Variants in PDE7B observed in about 807,000 individuals in gnomAD.
The protein encoded by PDE7B is 3',5'-cyclic-AMP phosphodiesterase 7B.
In PDE7B, 29 loss-of-function variants were observed where a neutral mutation model predicts 56.2. That is an observed-to-expected ratio of 0.52 (90% CI 0.38 to 0.70). The LOEUF (loss-of-function observed/expected upper bound fraction) is 0.70. Ranked by LOEUF, PDE7B falls within the 30% of genes least tolerant of loss-of-function variation. PDE7B has a pLI of 0.00. For synonymous variants in PDE7B, 197 were observed against 196.9 expected, an observed-to-expected ratio of 1.00 and a Z score of 0.00; for missense variants, 490 against 565.0, an observed-to-expected ratio of 0.87 and a Z score of 1.35.
chr6:136,111,057 C>T (rs561324922), intron 3 of PDE7B: 2 of 152,274 alleles, frequency 1.3e-5, no homozygotes, highest in Non-Finnish European at 2.9e-5. Context: ...TTAGGGTCTC[C>T]TCAGCATTCC....
At chr6:136,074,918 ATTTCT>A (rs1777106988) in intron 2 of PDE7B, among the ~76,000 whole-genome samples, 1 of 152,060 alleles carries the variant, frequency 6.6e-6, no homozygotes, top group African/African-American at 2.4e-5. Flanking sequence ...CAATATACTG[ATTTCT>A]TTTCTTCTGA....
At chr6:135,904,015 A>G (rs1329176751) in intron 1 of PDE7B, among the ~76,000 whole-genome samples, 2 of 152,194 alleles carry the variant, frequency 1.3e-5, no homozygotes, top group Non-Finnish European at 2.9e-5. Flanking sequence ...TTCCTAAAAA[A>G]TATTACCAAC....
At chr6:136,022,643 G>T (rs1054974024) in intron 2 of PDE7B, among the ~76,000 whole-genome samples, 2 of 152,194 alleles carry the variant, frequency 1.3e-5, no homozygotes, top group Non-Finnish European at 2.9e-5. Context: ...GAGCCAGATT[G>T]ATTCCTTTTT....
intron 1 of PDE7B, among the ~76,000 whole-genome samples, chr6:135,858,677 G>C (rs1387966077): frequency 1.3e-5 from 2 of 152,164 alleles, no homozygotes; most frequent in Non-Finnish European, 2.9e-5. Context: ...GCTTGGTCAA[G>C]CTCAAAGTTC....
intron 3 of PDE7B, among the ~76,000 whole-genome samples, chr6:136,126,387 A>T (rs1236957356): frequency 6.6e-6 from 1 of 152,256 alleles, no homozygotes; most frequent in Non-Finnish European, 1.5e-5. Flanking sequence ...TATGGAAAAC[A>T]GTGTGGAGAT....
intron 3 of PDE7B, among the ~76,000 whole-genome samples, chr6:136,116,161 T>C (rs1035003799): frequency 3.3e-5 from 5 of 152,244 alleles, no homozygotes; most frequent in Non-Finnish European, 7.3e-5. Context: ...GAAGGCTTTA[T>C]GGTCTTGTGC....
intron 5 of PDE7B, among the ~76,000 whole-genome samples, chr6:136,150,855 A>ATGTGTGTGTGTGTG (rs60877369): frequency 0.37 from 55,823 of 150,464 alleles, 10,602 homozygotes; most frequent in East Asian, 0.52. Flanking sequence ...ACATATACAC[A>ATGTGTGTGTGTGTG]TGTGTGTGTG....
chr6:135,866,332 A>G (rs754098964), intron 1 of PDE7B, among the ~76,000 whole-genome samples: 4 of 152,202 alleles, frequency 2.6e-5, no homozygotes, highest in Non-Finnish European at 4.4e-5. Flanking sequence ...ATTTATCAAA[A>G]TCATAAACTA....
chr6:136,114,117 T>A (rs535560620), intron 3 of PDE7B, among the ~76,000 whole-genome samples: 1 of 152,330 alleles, frequency 6.6e-6, no homozygotes, highest in African/African-American at 2.4e-5. Flanking sequence ...ATTGGCTATT[T>A]GGCTTTTCCT....
At chr6:136,134,575 G>A (rs890730971) in intron 3 of PDE7B, among the ~76,000 whole-genome samples, 1 of 151,508 alleles carries the variant, frequency 6.6e-6, no homozygotes, top group African/African-American at 2.4e-5. Context: ...TTCAAACTGG[G>A]ATTTTGAAAA....
intron 2 of PDE7B, among the ~76,000 whole-genome samples, chr6:135,967,077 C>T (rs977291944): frequency 1.3e-5 from 2 of 152,134 alleles, no homozygotes; most frequent in Non-Finnish European, 2.9e-5. Context: ...CACACATCAG[C>T]CTGGAACCTG....
At chr6:136,107,894 C>T (rs766132282) in intron 2 of PDE7B, among the ~76,000 whole-genome samples, 53 of 151,958 alleles carry the variant, frequency 3.5e-4, no homozygotes, top group Non-Finnish European at 5.9e-4. Flanking sequence ...TTTGGGAGGC[C>T]GAGGTGGGTG....
At chr6:136,154,257 C>A in intron 7 of PDE7B, 82 bp downstream of exon 7, 1 of 758,018 alleles carries the variant, frequency 1.3e-6, no homozygotes, top group Non-Finnish European at 2.3e-6. Flanking sequence ...CCCAACATAT[C>A]TGAGTAACTA....
At chr6:136,129,544 A>C (rs894285111) in intron 3 of PDE7B, among the ~76,000 whole-genome samples, 2 of 152,184 alleles carry the variant, frequency 1.3e-5, no homozygotes, top group African/African-American at 4.8e-5. Flanking sequence ...GCTGCTATGG[A>C]AGGACAGGAG....
At chr6:135,920,350 T>C (rs1423099221) in intron 1 of PDE7B, among the ~76,000 whole-genome samples, 1 of 152,220 alleles carries the variant, frequency 6.6e-6, no homozygotes, top group Non-Finnish European at 1.5e-5. Context: ...GTCCTCCCCA[T>C]GCTTCTTTTT....
chr6:136,045,685 T>C (rs918686491), intron 2 of PDE7B, among the ~76,000 whole-genome samples: 1 of 151,682 alleles, frequency 6.6e-6, no homozygotes, highest in Non-Finnish European at 1.5e-5. Flanking sequence ...TACAGAAAAA[T>C]AGAATCACTA....
At position 136,050,091 on chromosome 6, in the gene PDE7B, C is replaced by T. The variant is rs114955024; in HGVS notation, c.83-58640C>T. Among the ~76,000 whole-genome samples, 574 of 152,282 alleles carry T rather than the reference C, an allele frequency of 3.8e-3. 3 individuals carry two copies. The highest frequency in any genetic ancestry group is 0.013 in the African/African-American group (554 of 41,554). ...ACTCAGCCACGCTGCTGGTCATGGT[C>T]TAACCCTGAAGCCGCTCAACTCCAG... On this transcript the variant is annotated intron_variant, in intron 2 of 12. Transcript: ENST00000308191.
Position 135,986,632 on chromosome 6 carries a change from C to T in PDE7B, c.82+39108C>T, listed in dbSNP as rs567693006. On this transcript the variant is annotated intron_variant, in intron 2 of 12. Coordinates refer to ENST00000308191, the MANE Select transcript of PDE7B (RefSeq NM_018945.4). ...TCCTGGACAGCTCTGTCTGCCAAGT[C>T]TGAAAAATGCAGGTGTGAGAAAAGA... 5.9e-3 allele frequency among the ~76,000 whole-genome samples: 891 copies of T among 152,258 alleles called. 14 individuals carry two copies. The highest frequency in any genetic ancestry group is 4.7e-3 in the Non-Finnish European group (319 of 68,012).
chr6:136,100,501 TTGGATTCC>T (rs1460229116), intron 2 of PDE7B, among the ~76,000 whole-genome samples: 1 of 152,152 alleles, frequency 6.6e-6, no homozygotes, highest in Non-Finnish European at 1.5e-5. Context: ...CCCTTGTAAG[TTGGATTCC>T]TGGGTATTTT....
Sources: gnomAD v4.1 joint callset for allele counts (sites outside exome capture counted in the v4.1 genomes callset) on GRCh38, gnomAD v4.1.1 for gene constraint, MANE v1.5 for transcripts, NCBI Gene and HGNC (gene_info 2026-07-23, HGNC 2026-07-21) for gene names.